The following MIPOL1 variants were observed in gnomAD, a reference collection of about 807,000 sequenced individuals.
MIPOL1 encodes the protein mirror-image polydactyly gene 1 protein.
MIPOL1 carries 57 observed loss-of-function variants against 60.9 expected under a neutral mutation model. The observed-to-expected ratio is 0.94, with a 90% confidence interval of 0.76 to 1.17. MIPOL1 has a LOEUF of 1.17. Ranked by LOEUF, MIPOL1 falls within the 50% of genes most tolerant of loss-of-function variation. MIPOL1 has a pLI of 0.00. For synonymous variants in MIPOL1, 179 were observed against 168.8 expected (o/e 1.06, Z -0.47); for missense variants, 551 against 511.6 (o/e 1.08, Z -0.74).
chr14:37,448,893 G>A (rs536162124), intron 11 of MIPOL1, among the ~76,000 whole-genome samples: 5 of 152,222 alleles, frequency 3.3e-5, no homozygotes, highest in Non-Finnish European at 5.9e-5. Context: ...TCTAATGAAC[G>A]TATAATGTGT....
chr14:37,388,150 G>T (rs2093127325), intron 10 of MIPOL1, among the ~76,000 whole-genome samples: 1 of 151,310 alleles, frequency 6.6e-6, no homozygotes, highest in African/African-American at 2.4e-5. Context: ...TCTCATCTTA[G>T]AAAGGATAAA....
intron 10 of MIPOL1, among the ~76,000 whole-genome samples, chr14:37,419,536 T>C (rs2093832975): frequency 6.6e-6 from 1 of 152,208 alleles, no homozygotes; most frequent in South Asian, 2.1e-4. Context: ...TACTTGCATA[T>C]ATGTTTACTT....
intron 9 of MIPOL1, among the ~76,000 whole-genome samples, chr14:37,350,417 A>AT (rs372383007): frequency 2.7e-4 from 36 of 134,746 alleles, no homozygotes; most frequent in Middle Eastern, 3.8e-3. Flanking sequence ...TTTCTTTCCT[A>AT]TTTTTTTTTT....
intron 9 of MIPOL1, among the ~76,000 whole-genome samples, chr14:37,323,047 G>C (rs996815114): frequency 9.9e-5 from 15 of 152,136 alleles, no homozygotes; most frequent in African/African-American, 3.6e-4. Context: ...TGAAGTCTTT[G>C]CCCATACCTA....
At chr14:37,223,820 A>T (rs1032562147) in intron 1 of MIPOL1, among the ~76,000 whole-genome samples, 3 of 152,204 alleles carry the variant, frequency 2.0e-5, no homozygotes, top group African/African-American at 7.2e-5. Context: ...TGTTTTTTAC[A>T]AAGTTAAATT....
chr14:37,227,771 A>G (rs982529742), intron 1 of MIPOL1: 1 of 152,180 alleles, frequency 6.6e-6, no homozygotes, highest in Non-Finnish European at 1.5e-5. Flanking sequence ...TGATGCCACC[A>G]TCGCAAGGTT....
intron 1 of MIPOL1, among the ~76,000 whole-genome samples, chr14:37,203,649 GT>G (rs1353487740): frequency 1.3e-5 from 2 of 152,076 alleles, no homozygotes; most frequent in East Asian, 3.9e-4. Context: ...CTGGCACTCT[GT>G]TGCTCACTCA....
intron 1 of MIPOL1, among the ~76,000 whole-genome samples, chr14:37,198,551 A>G (rs1270255732): frequency 6.6e-6 from 1 of 152,106 alleles, no homozygotes; most frequent in Admixed American, 6.6e-5. Context: ...TAAGCGCGCT[A>G]AGCCATGCTG....
At chr14:37,518,063 G>A (rs947051146) in intron 12 of MIPOL1, among the ~76,000 whole-genome samples, 1 of 152,118 alleles carries the variant, frequency 6.6e-6, no homozygotes, top group Non-Finnish European at 1.5e-5. Context: ...ATACAGAAAA[G>A]TATCTTTTGA....
chr14:37,277,783 T>C (rs547508038), intron 6 of MIPOL1: 1 of 151,496 alleles, frequency 6.6e-6, no homozygotes, highest in East Asian at 1.9e-4. Context: ...AGTAATTAGG[T>C]GTGTATATAC....
intron 1 of MIPOL1, among the ~76,000 whole-genome samples, chr14:37,215,936 C>T (rs1350792558): frequency 6.6e-6 from 1 of 151,972 alleles, no homozygotes; most frequent in African/African-American, 2.4e-5. Flanking sequence ...GGCATGGTGG[C>T]AGGCACCTGC....
chr14:37,472,645 A>G (rs2153590867), intron 11 of MIPOL1, among the ~76,000 whole-genome samples: 1 of 152,200 alleles, frequency 6.6e-6, no homozygotes, highest in East Asian at 1.9e-4. Flanking sequence ...CTAGGCAGGA[A>G]TACATCAACA....
chr14:37,361,780 T>A (rs2092269468), intron 9 of MIPOL1, among the ~76,000 whole-genome samples: 1 of 151,994 alleles, frequency 6.6e-6, no homozygotes. Context: ...GCTAATTTTT[T>A]GTATTTTTCG....
At chr14:37,230,193 A>T (rs1033003990) in intron 1 of MIPOL1, among the ~76,000 whole-genome samples, 1 of 152,216 alleles carries the variant, frequency 6.6e-6, no homozygotes, top group African/African-American at 2.4e-5. Flanking sequence ...ACTTGTCAAG[A>T]TACATAAATA....
chr14:37,552,334 G>C (rs2095563068), downstream of MIPOL1: 1 of 152,078 alleles, frequency 6.6e-6, no homozygotes, highest in Admixed American at 6.5e-5. Flanking sequence ...TTTAAAATAA[G>C]AATGAACGTA....
chr14:37,255,600 C>CT (rs1974794131), intron 3 of MIPOL1, among the ~76,000 whole-genome samples: 1 of 151,554 alleles, frequency 6.6e-6, no homozygotes, highest in South Asian at 2.1e-4. Context: ...ACGTTATTAT[C>CT]TTTTTGGGAT....
intron 10 of MIPOL1, among the ~76,000 whole-genome samples, chr14:37,389,945 A>T (rs974771920): frequency 1.3e-5 from 2 of 152,034 alleles, no homozygotes; most frequent in Non-Finnish European, 2.9e-5. Flanking sequence ...TCACACCTGT[A>T]ATCCCAATAC....
At chr14:37,511,421 A>G (rs1369753465) in intron 12 of MIPOL1, among the ~76,000 whole-genome samples, 2 of 152,200 alleles carry the variant, frequency 1.3e-5, no homozygotes, top group African/African-American at 4.8e-5. Context: ...TGTCGAGGTA[A>G]AGGGAACTAA....
At chr14:37,260,745 C>T (rs2082465378) in intron 3 of MIPOL1, among the ~76,000 whole-genome samples, 1 of 151,960 alleles carries the variant, frequency 6.6e-6, no homozygotes, top group South Asian at 2.1e-4. Context: ...TTAAAAAGCC[C>T]TGAGAGAGCT....
Sources: allele counts gnomAD v4.1 joint callset (sites outside exome capture counted in the v4.1 genomes callset), GRCh38; gene constraint gnomAD v4.1.1; transcripts MANE v1.5; gene names NCBI Gene and HGNC (gene_info 2026-07-23, HGNC 2026-07-21).